MATR3: variants seen among roughly 807,000 people sequenced by gnomAD.
MATR3 encodes matrin-3.
A neutral mutation model predicts 85.5 loss-of-function variants in MATR3; 4 were observed. The ratio of observed to expected loss-of-function variants is 0.05; its 90% CI spans 0.02 to 0.11. The LOEUF is 0.11. Among genes scored for constraint, MATR3 ranks in the 10% least tolerant of loss-of-function variants. The probability of loss-of-function intolerance (pLI) is 1.00; values close to 1 mark genes in which losing one functional copy is unlikely to be tolerated. For missense variants in MATR3, 685 were observed against 1,016.1 expected, an observed-to-expected ratio of 0.67 and a Z score of 4.43; for synonymous variants, 336 against 343.1, an observed-to-expected ratio of 0.98 and a Z score of 0.23.
Position 139,308,062 on chromosome 5 carries a change from G to C in MATR3, c.647G>C (p.Arg216Thr), listed in dbSNP as rs759801664. Reference sequence around the variant, plus strand: ...TCTCAAGAATCTGGTTATTATGACAGAATGGATTATGAAGATGACAGATTA... The same window carrying C: ...TCTCAAGAATCTGGTTATTATGACACAATGGATTATGAAGATGACAGATTA... ...SRSQESGYYD[R>T]MDYEDDRLRD... The change falls in exon 2 of 15, where the codon AGA (arginine) becomes ACA (threonine). Residue 216 changes from arginine to threonine, a missense_variant. This residue lies in a region of MATR3 where 223 missense variants were observed against 334.4 expected (regional missense o/e 0.67). Transcript: ENST00000394805. 3.1e-6 allele frequency: 5 copies of C among 1,614,162 alleles called. No individual in the cohort carries two copies. The highest frequency in any genetic ancestry group is 4.2e-6 in the Non-Finnish European group (5 of 1,180,044).
chr5:139,275,147 T>TA (rs1753224026), intron 1 of MATR3, among the ~76,000 whole-genome samples: 1 of 112,036 alleles, frequency 8.9e-6, no homozygotes, highest in African/African-American at 3.4e-5. Flanking sequence ...GGCTAATTTT[T>TA]TTTTTTTTTT....
chr5:139,297,413 G>C (rs2151931216), intron 1 of MATR3, among the ~76,000 whole-genome samples: 1 of 152,278 alleles, frequency 6.6e-6, no homozygotes, highest in Middle Eastern at 3.4e-3. Context: ...TGAAGTTCTT[G>C]ATAAAAGTTT....
At position 139,325,197 on chromosome 5, in the gene MATR3, A is replaced by C. The variant is rs1018427561; in HGVS notation, c.2149-243A>C. ...GACAGAGCAAGACTCCGTCTCAAAA[A>C]AAAAAAGGCAAAGACGCTATCCGTT... On this transcript the variant is annotated intron_variant, in intron 12 of 14. Coordinates refer to ENST00000394805, the MANE Select transcript of MATR3 (RefSeq NM_018834.6). The C allele has an allele frequency of 8.8e-6, 13 of 1,477,386 alleles. No homozygotes were observed. In the Admixed American group the frequency reaches 3.3e-4, roughly 37 times the overall value. The allele number at this position is 1,477,386 out of a possible 1,614,324, so 91.5% of individuals were successfully genotyped here.
At chr5:139,314,377 GGTT>G in intron 2 of MATR3, 1 of 364,018 alleles carries the variant, frequency 2.7e-6, no homozygotes, top group Non-Finnish European at 5.3e-6. Flanking sequence ...CTGATCTCAA[GGTT>G]AGTTACTACT....
chr5:139,299,360 A>G (rs1754323495), intron 1 of MATR3, among the ~76,000 whole-genome samples: 1 of 152,200 alleles, frequency 6.6e-6, no homozygotes, highest in Non-Finnish European at 1.5e-5. Flanking sequence ...GAATGGAACC[A>G]ACACATGAAA....
chr5:139,317,210 TTGC>T, intron 6 of MATR3, 105 bp downstream of exon 6: 1 of 1,087,188 alleles, frequency 9.2e-7, no homozygotes, highest in Non-Finnish European at 1.4e-6. Context: ...TATGGGAACA[TTGC>T]TGTAATTTGA....
chr5:139,288,238 A>T (rs530553448), intron 3 of MATR3, among the ~76,000 whole-genome samples: 1 of 151,998 alleles, frequency 6.6e-6, no homozygotes, highest in African/African-American at 2.4e-5. Context: ...ACAAACAAAA[A>T]CCAAACTTTT....
chr5:139,320,471 G>A (rs1755500702), intron 9 of MATR3, among the ~76,000 whole-genome samples: 1 of 152,056 alleles, frequency 6.6e-6, no homozygotes, highest in African/African-American at 2.4e-5. Context: ...AGGCAAAGTG[G>A]CATGCTCGTA....
At chr5:139,291,049 C>T (rs943628793), upstream of MATR3, among the ~76,000 whole-genome samples, 4 of 152,032 alleles carry the variant, frequency 2.6e-5, no homozygotes, top group African/African-American at 7.2e-5. Context: ...AAACCCGGGA[C>T]GCAGAGGTTG....
rs1354136329 is a variant in MATR3, at chr5:139,331,097, C to T, written c.*1702C>T. 6.6e-6 allele frequency: 3 copies of T among 453,828 alleles called. No homozygotes were observed. The highest frequency in any genetic ancestry group is 2.0e-5 in the African/African-American group (1 of 49,974). 28.1% of individuals were successfully genotyped at this position (453,828 alleles called of 1,614,324 possible). On this transcript the variant is annotated 3_prime_UTR_variant, in exon 15 of 15. Transcript: ENST00000394805. The stretch of plus-strand genomic sequence containing the variant: ...TGAGCCACCATCCCTGGCCAAGAAA[C>T]AAAGTTTTAATTTCAAAAAAATCTA...
At chr5:139,278,205 T>C in intron 2 of MATR3, 1 of 342,546 alleles carries the variant, frequency 2.9e-6, no homozygotes, top group Non-Finnish European at 5.9e-6. Flanking sequence ...GCACTCAGTC[T>C]AGACAGAGTG....
At chr5:139,275,930 CTACTAT>C (rs767829174) in intron 1 of MATR3, among the ~76,000 whole-genome samples, 15 of 152,202 alleles carry the variant, frequency 9.9e-5, no homozygotes, top group Non-Finnish European at 8.8e-5. Context: ...GACTCTTTTG[CTACTAT>C]TGAACTGCTG....
chr5:139,323,007 G>A, intron 12 of MATR3, 40 bp downstream of exon 12: 1 of 1,598,274 alleles, frequency 6.3e-7, no homozygotes, highest in South Asian at 1.1e-5. Flanking sequence ...TAGAACATTA[G>A]ATCAGATCAG....
upstream of MATR3, chr5:139,293,721 C>CA (rs1322261137): frequency 1.4e-5 from 5 of 357,022 alleles, no homozygotes; most frequent in African/African-American, 2.1e-5. Context: ...TCGCCAGCGC[C>CA]GTTGCTGCGG....
intron 12 of MATR3, among the ~76,000 whole-genome samples, chr5:139,324,254 A>G (rs1205222299): frequency 6.7e-6 from 1 of 148,916 alleles, no homozygotes; most frequent in Non-Finnish European, 1.5e-5. Flanking sequence ...CAGAGCCAAA[A>G]TTTAAACTTG....
intron 14 of MATR3, among the ~76,000 whole-genome samples, chr5:139,326,820 T>G (rs756108321): frequency 2.2e-4 from 34 of 152,252 alleles, no homozygotes; most frequent in Non-Finnish European, 4.1e-4. Context: ...TCTAACCATA[T>G]TATAAATTCT....
At chr5:139,326,917 C>CT (rs1474663701) in intron 14 of MATR3, among the ~76,000 whole-genome samples, 2 of 152,092 alleles carry the variant, frequency 1.3e-5, no homozygotes. Context: ...AGTCTGAATA[C>CT]TAAAAGTGGC....
chr5:139,300,724 C>T (rs942910400), intron 1 of MATR3, among the ~76,000 whole-genome samples: 2 of 152,146 alleles, frequency 1.3e-5, no homozygotes, highest in African/African-American at 4.8e-5. Context: ...CTCACTGCAA[C>T]CTCTGCCTCC....
chr5:139,326,375 C>T (rs1436606189), intron 14 of MATR3, 91 bp downstream of exon 14: 36 of 1,259,138 alleles, frequency 2.9e-5, no homozygotes, highest in Admixed American at 3.5e-5. Context: ...ATAGTGTTCT[C>T]TCTAGACTCA....
Sources: allele counts gnomAD v4.1 joint callset (sites outside exome capture counted in the v4.1 genomes callset), GRCh38; gene constraint gnomAD v4.1.1; regional missense constraint gnomAD v4.1.1; transcripts MANE v1.5; gene names NCBI Gene and HGNC (gene_info 2026-07-23, HGNC 2026-07-21).